ADAMTS13: variants seen among roughly 807,000 people sequenced by gnomAD.
ADAMTS13 encodes ADAM metallopeptidase with thrombospondin type 1 motif 13, also known as A disintegrin and metalloproteinase with thrombospondin motifs 13.
ADAMTS13 carries 110 observed loss-of-function variants against 155.1 expected under a neutral mutation model. That is an observed-to-expected ratio of 0.71 (90% CI 0.61 to 0.83). The LOEUF is 0.83. Ranked by LOEUF, ADAMTS13 falls within the 40% of genes least tolerant of loss-of-function variation. The pLI is 0.00. For missense variants in ADAMTS13, 1,707 were observed against 1,891.7 expected, an observed-to-expected ratio of 0.90 and a Z score of 1.81; for synonymous variants, 758 against 756.4, an observed-to-expected ratio of 1.00 and a Z score of -0.03.
upstream of ADAMTS13, chr9:133,417,591 C>T (rs782799303): frequency 2.5e-6 from 4 of 1,605,892 alleles, no homozygotes; most frequent in Non-Finnish European, 3.4e-6. Context: ...AGCTGCGCAG[C>T]GCTCCGCCCG....
chr9:133,439,774 C>T (rs1841522385), intron 15 of ADAMTS13, among the ~76,000 whole-genome samples: 1 of 152,188 alleles, frequency 6.6e-6, no homozygotes. Flanking sequence ...GGAGTATTGC[C>T]CACACAGAAA....
rs1564424116 is a variant in ADAMTS13, at chr9:133,438,241, C to T, written c.1585-5C>T. 1.2e-6 allele frequency: 2 copies of T among 1,614,148 alleles called. No individual in the cohort carries two copies. Among genetic ancestry groups the T allele is most frequent in the East Asian group, 2.2e-5 (1 of 44,884 alleles). Reference sequence around the variant, plus strand: ...CACGGGCCCTCTGTCCTTCCCTTTGCATAGACATTTGGCTGTGATGGTAGG... The same window carrying T: ...CACGGGCCCTCTGTCCTTCCCTTTGTATAGACATTTGGCTGTGATGGTAGG... On this transcript the variant is annotated splice_region_variant and splice_polypyrimidine_tract_variant and intron_variant, in intron 13 of 28. Coordinates refer to ENST00000355699, the MANE Select transcript of ADAMTS13 (RefSeq NM_139027.6).
At position 133,426,052 on chromosome 9, in the gene ADAMTS13, T is replaced by C; in HGVS notation, c.529T>C (p.Tyr177His). The C allele has an allele frequency of 6.2e-7, 1 of 1,614,028 alleles. No homozygotes were observed. The highest frequency in any genetic ancestry group is 1.1e-5 in the South Asian group (1 of 91,082). The change falls in exon 5 of 29, where the codon TAT (tyrosine) becomes CAT (histidine). Residue 177 changes from tyrosine (Y) to histidine (H), a missense_variant. By Grantham distance (83) the Tyr-to-His change is moderately conservative (BLOSUM62 2). Transcript: ENST00000355699. Reference protein sequence around the residue: ...TDPGHADLVLYITRFDLELPD... With the variant: ...TDPGHADLVLHITRFDLELPD... ...TCCTGGCCATGCTGACCTGGTCCTC[T>C]ATATCACTAGGTAGCCGAGCTTTCT...
chr9:133,424,228 C>T lies in ADAMTS13; in HGVS notation c.173-93C>T. The stretch of plus-strand genomic sequence containing the variant: ...ACGCAATGTCTTGACTTCGGAAGGC[C>T]ATCCTTCCAAGACCTGCCAGCCCCT... On this transcript the variant is annotated intron_variant, in intron 2 of 28. Transcript: ENST00000355699. This position sits in a 1 kb window ranked among gnomAD's most constrained non-coding sequence, Gnocchi z 4.3. The T allele has an allele frequency of 6.3e-7, 1 of 1,578,460 alleles. No homozygotes were observed. Among genetic ancestry groups the T allele is most frequent in the South Asian group, 1.1e-5 (1 of 90,498 alleles).
At position 133,439,346 on chromosome 9, in the gene ADAMTS13, C is replaced by G. The variant is rs782762421; in HGVS notation, c.1706-20C>G. ...GTGGCTGTGAGGTCCACGCATCTCTCCTTCTTTTCTTCTTTCTAGAATATG... is the reference window on the plus strand; with the variant it reads ...GTGGCTGTGAGGTCCACGCATCTCTGCTTCTTTTCTTCTTTCTAGAATATG... On this transcript the variant is annotated intron_variant, in intron 14 of 28. Coordinates refer to ENST00000355699, the MANE Select transcript of ADAMTS13 (RefSeq NM_139027.6). 1 of 1,586,074 alleles carries G rather than the reference C, an allele frequency of 6.3e-7. No homozygotes were observed. The highest frequency in any genetic ancestry group is 1.1e-5 in the South Asian group (1 of 90,438).
In ADAMTS13 at chr9:133,437,903, CGT is replaced by C; in HGVS notation, c.1584+12_1584+13del. 1 of 1,613,264 alleles carries C rather than the reference CGT, an allele frequency of 6.2e-7. No homozygotes were observed. Among genetic ancestry groups the C allele is most frequent in the South Asian group, 1.1e-5 (1 of 91,070 alleles). On this transcript the variant is annotated splice_region_variant and intron_variant, in intron 13 of 28. Coordinates refer to ENST00000355699, the MANE Select transcript of ADAMTS13 (RefSeq NM_139027.6). ...GTGTGTCGGGCAGCTGCAGGGTAGG[CGT>C]GTGTGGACATTGGCGATGGCCCTGG...
At chr9:133,453,897 G>A (rs1285242999) in intron 23 of ADAMTS13, among the ~76,000 whole-genome samples, 1 of 152,154 alleles carries the variant, frequency 6.6e-6, no homozygotes, top group Non-Finnish European at 1.5e-5. Flanking sequence ...TCATGGGGGA[G>A]CACAGTATTG....
At chr9:133,455,954 G>T in intron 25 of ADAMTS13, 115 bp from the exon 26 acceptor site, 1 of 1,421,242 alleles carries the variant, frequency 7.0e-7, no homozygotes, top group Non-Finnish European at 9.8e-7. Context: ...GCTGGGCCTT[G>T]GAGGACAGGG....
intron 19 of ADAMTS13, among the ~76,000 whole-genome samples, chr9:133,443,807 G>A (rs1841870059): frequency 6.6e-6 from 1 of 152,158 alleles, no homozygotes; most frequent in Non-Finnish European, 1.5e-5. Flanking sequence ...AAATGGGGAT[G>A]CCGACCTGCC....
rs782099104 is a variant in ADAMTS13, at chr9:133,454,371, T to G, written c.3045-44T>G. Reference sequence around the variant, plus strand: ...GGGGCCTGCGTGGGGCAGTACTGTCTCTGGGGAGACCTAGCCTCTCTCTGG... The same window carrying G: ...GGGGCCTGCGTGGGGCAGTACTGTCGCTGGGGAGACCTAGCCTCTCTCTGG... On this transcript the variant is annotated intron_variant, in intron 23 of 28. Transcript: ENST00000355699. 14 of 1,608,612 alleles carry G rather than the reference T, an allele frequency of 8.7e-6. No homozygotes were observed. The East Asian group carries it at 8.9e-5, about 10-fold the overall frequency.
chr9:133,439,284 C>T (rs1402580057), intron 14 of ADAMTS13, 82 bp from the exon 15 acceptor site: 14 of 1,135,464 alleles, frequency 1.2e-5, no homozygotes, highest in Non-Finnish European at 1.6e-5. Context: ...CAATTTTTCC[C>T]GACCAGCTAA....
intron 23 of ADAMTS13, among the ~76,000 whole-genome samples, chr9:133,454,203 C>A (rs1842606751): frequency 6.6e-6 from 1 of 152,152 alleles, no homozygotes; most frequent in African/African-American, 2.4e-5. Context: ...GAAACAGGGG[C>A]CTCTTCCCCC....
rs587746744 is a variant in ADAMTS13 at position 133,431,934 on chromosome 9, G to A, written c.988-654G>A. Among the ~76,000 whole-genome samples, 8 of 152,334 alleles carry A rather than the reference G, an allele frequency of 5.3e-5. No homozygotes were observed. In the South Asian group the frequency reaches 6.2e-4, roughly 12 times the overall value. ...CTTCCAAATTGCTGGGATTACAGGCGTGAGCCACAGTGCCCGGCCTTTTTC... is the reference window on the plus strand; with the variant it reads ...CTTCCAAATTGCTGGGATTACAGGCATGAGCCACAGTGCCCGGCCTTTTTC... On this transcript the variant is annotated intron_variant, in intron 8 of 28. Transcript: ENST00000355699.
chr9:133,430,309 G>A, intron 8 of ADAMTS13: 1 of 748,348 alleles, frequency 1.3e-6, no homozygotes, highest in South Asian at 1.5e-5. Flanking sequence ...TTGTTTGACT[G>A]GGCCCCACAA....
chr9:133,440,345 G>A lies in ADAMTS13; in HGVS notation c.1788G>A (p.Ala596=), dbSNP rs782132022. The change falls in exon 16 of 29, where the codon GCG becomes GCA. Residue 596 remains alanine (A), a splice_region_variant and synonymous_variant. Coordinates refer to ENST00000355699, the MANE Select transcript of ADAMTS13 (RefSeq NM_139027.6). This position sits in a 1 kb window ranked among gnomAD's most constrained non-coding sequence, Gnocchi z 4.3. The part of the protein sequence containing the change: ...ANHRPLFTHL[A]VRIGGRYVVA... Reference sequence around the variant, plus strand: ...CTAACAGGGCTGGTTCCCCGACAGCGGTGAGGATCGGAGGGCGCTATGTCG... The same window carrying A: ...CTAACAGGGCTGGTTCCCCGACAGCAGTGAGGATCGGAGGGCGCTATGTCG... The A allele has an allele frequency of 9.3e-6, 15 of 1,613,892 alleles. No individual in the cohort carries two copies. Among genetic ancestry groups the A allele is most frequent in the South Asian group, 3.3e-5 (3 of 91,090 alleles).
At chr9:133,421,137 G>A (rs1839937962), upstream of ADAMTS13, among the ~76,000 whole-genome samples, 1 of 152,184 alleles carries the variant, frequency 6.6e-6, no homozygotes, top group Non-Finnish European at 1.5e-5. Context: ...GTGATGGCGG[G>A]TGCCTGTAAT....
intron 8 of ADAMTS13, among the ~76,000 whole-genome samples, chr9:133,432,231 C>T (rs1367564719): frequency 1.3e-5 from 2 of 152,110 alleles, no homozygotes; most frequent in Non-Finnish European, 2.9e-5. Context: ...CGCCATTGCC[C>T]TCCAGCCTGG....
chr9:133,443,485 C>T lies in ADAMTS13; in HGVS notation c.2344C>T (p.Pro782Ser). ...AQGSLLKTLPPARCRAGAQQP... is the reference protein window; with the variant it reads ...AQGSLLKTLPSARCRAGAQQP... ...GGGCAGCCTCCTGAAGACATTGCCC[C>T]CAGCCCGGTGCAGAGCAGGGGCCCA... is the stretch of plus-strand genomic sequence containing the variant. The change falls in exon 19 of 29, where the codon CCA becomes TCA. Residue 782 changes from proline to serine, a missense_variant. Pro to Ser is a moderately conservative substitution (Grantham distance 74). Around this residue, in one of 3 missense-constraint regions of ADAMTS13, gnomAD observed 961 missense variants for 1,107.9 expected, o/e 0.87. Transcript: ENST00000355699. 1 of 1,589,438 alleles carries T rather than the reference C, an allele frequency of 6.3e-7. No individual in the cohort carries two copies. Among genetic ancestry groups the T allele is most frequent in the African/African-American group, 1.3e-5 (1 of 74,650 alleles).
rs187455186 is a variant in ADAMTS13, at chr9:133,450,435, G to T, written c.3044+470G>T. 2.6e-5 allele frequency among the ~76,000 whole-genome samples: 4 copies of T among 152,184 alleles called. No individual in the cohort carries two copies. In the East Asian group the frequency reaches 5.8e-4, roughly 22 times the overall value. ...AATACAAAATTAGCCGGGTGTGGTG[G>T]TACATGCCTGTAATCCCAGTTACTT... On this transcript the variant is annotated intron_variant, in intron 23 of 28. Coordinates refer to ENST00000355699, the MANE Select transcript of ADAMTS13 (RefSeq NM_139027.6).
Sources: allele counts gnomAD v4.1 joint callset (sites outside exome capture counted in the v4.1 genomes callset), GRCh38; gene constraint gnomAD v4.1.1; regional missense constraint gnomAD v4.1.1; non-coding constraint Gnocchi (gnomAD v3.1); transcripts MANE v1.5; gene names NCBI Gene and HGNC (gene_info 2026-07-23, HGNC 2026-07-21).